Variants in PDE10A observed in about 807,000 individuals in gnomAD.
PDE10A encodes phosphodiesterase 10A, also known as cAMP and cAMP-inhibited cGMP 3',5'-cyclic phosphodiesterase 10A.
PDE10A carries 39 observed loss-of-function variants against 97.7 expected under a neutral mutation model. That is an observed-to-expected ratio of 0.40 (90% CI 0.31 to 0.52). The LOEUF (loss-of-function observed/expected upper bound fraction) is 0.52. Among genes scored for constraint, PDE10A ranks in the 20% least tolerant of loss-of-function variants. The pLI, the probability that PDE10A is intolerant of heterozygous loss-of-function variation, is 0.56. For missense variants in PDE10A, 731 were observed against 1,047.8 expected (o/e 0.70, Z 4.17); for synonymous variants, 371 against 376.8 (o/e 0.98, Z 0.18).
At position 165,671,058 on chromosome 6, in the gene PDE10A, G is replaced by T. The variant is rs116199478; in HGVS notation, c.-614-127490C>A. 4.8e-3 allele frequency among the ~76,000 whole-genome samples: 730 copies of T among 152,156 alleles called. 4 individuals are homozygous for T. The highest frequency in any genetic ancestry group is 0.017 in the African/African-American group (706 of 41,492). ...TCTGACCCATCTTTCCGATCAGATT[G>T]TACTGGTAAAGAGTCTGATTTCCTA... On this transcript the variant is annotated intron_variant, in intron 1 of 19. Transcript: ENST00000366882. The surrounding 1 kb of genome is among the most constrained non-coding windows in gnomAD (Gnocchi z 4.6).
At chr6:165,792,194 G>C (rs1424693892) in intron 1 of PDE10A, among the ~76,000 whole-genome samples, 1 of 152,190 alleles carries the variant, frequency 6.6e-6, no homozygotes, top group East Asian at 1.9e-4. Context: ...ATCCACCAAA[G>C]GCAAATGTGA....
chr6:165,559,743 T>C (rs576623907), intron 1 of PDE10A, among the ~76,000 whole-genome samples: 1 of 152,280 alleles, frequency 6.6e-6, no homozygotes, highest in South Asian at 2.1e-4. Context: ...GGGAGGGACC[T>C]GGTGGGAGAT....
At position 165,474,293 on chromosome 6, in the gene PDE10A, T is replaced by C. The variant is rs117894887; in HGVS notation, c.1023+8022A>G. Among the ~76,000 whole-genome samples, 526 of 152,228 alleles carry C rather than the reference T, an allele frequency of 3.5e-3. 1 individual carries two copies. The highest frequency in any genetic ancestry group is 5.8e-3 in the Non-Finnish European group (397 of 68,016). The stretch of plus-strand genomic sequence containing the variant: ...CATGGCCCAACACTATAAAATATTT[T>C]AAGCAAAACAAACAAAAAAACCAAA... On this transcript the variant is annotated intron_variant, in intron 3 of 21. Transcript: ENST00000539869.
intron 3 of PDE10A, among the ~76,000 whole-genome samples, chr6:165,453,796 C>A (rs1777776554): frequency 6.6e-6 from 1 of 152,168 alleles, no homozygotes; most frequent in African/African-American, 2.4e-5. Flanking sequence ...GCAGTGGAGC[C>A]CGCACAGACA....
chr6:165,465,416 A>C (rs565925064), intron 3 of PDE10A, among the ~76,000 whole-genome samples: 1 of 152,358 alleles, frequency 6.6e-6, no homozygotes, highest in East Asian at 1.9e-4. Flanking sequence ...AAAGAGAAAA[A>C]GCAGCCACCT....
At chr6:165,460,058 C>T (rs890582479) in intron 3 of PDE10A, among the ~76,000 whole-genome samples, 1 of 152,202 alleles carries the variant, frequency 6.6e-6, no homozygotes, top group Non-Finnish European at 1.5e-5. Flanking sequence ...CATTCTAAAC[C>T]GGGGCATTTC....
chr6:165,532,603 A>C (rs995908948), intron 2 of PDE10A, among the ~76,000 whole-genome samples: 1 of 152,056 alleles, frequency 6.6e-6, no homozygotes, highest in Non-Finnish European at 1.5e-5. Context: ...CAAGCATCAG[A>C]ATTACCTGGG....
At chr6:165,670,268 T>C (rs748552660) in intron 1 of PDE10A, among the ~76,000 whole-genome samples, 6 of 152,250 alleles carry the variant, frequency 3.9e-5, no homozygotes, top group Non-Finnish European at 7.3e-5. Context: ...CAGCTTGTTT[T>C]ATTGCATGTA....
chr6:165,933,725 T>C (rs73027531), intron 1 of PDE10A, among the ~76,000 whole-genome samples: 2,825 of 152,302 alleles, frequency 0.019, 32 homozygotes, highest in Non-Finnish European at 0.03. Context: ...GTACAGGATT[T>C]TTAGGCTAGC....
chr6:165,663,487 GCTGGGCGAGC>G (rs1158008585), upstream of PDE10A, among the ~76,000 whole-genome samples: 1 of 152,234 alleles, frequency 6.6e-6, no homozygotes, highest in African/African-American at 2.4e-5. Flanking sequence ...GCTGTGCGCT[GCTGGGCGAGC>G]CACGTCGGCC....
chr6:165,631,679 C>T (rs189066844), intron 1 of PDE10A, among the ~76,000 whole-genome samples: 12 of 152,086 alleles, frequency 7.9e-5, no homozygotes, highest in Non-Finnish European at 1.6e-4. Flanking sequence ...CATCATTATA[C>T]GAATAAATCA....
intron 1 of PDE10A, among the ~76,000 whole-genome samples, chr6:165,803,147 A>T (rs577693082): frequency 1.3e-5 from 2 of 152,342 alleles, no homozygotes; most frequent in African/African-American, 4.8e-5. Context: ...CAAGGGGCAT[A>T]ATTTTTATTG....
chr6:165,891,739 GA>G (rs1257036716), intron 1 of PDE10A, among the ~76,000 whole-genome samples: 4 of 151,890 alleles, frequency 2.6e-5, no homozygotes, highest in Non-Finnish European at 5.9e-5. Flanking sequence ...TCGTTGACTG[GA>G]AATAAAATTC....
At chr6:165,489,567 A>G (rs949353563) in intron 2 of PDE10A, among the ~76,000 whole-genome samples, 10 of 152,220 alleles carry the variant, frequency 6.6e-5, no homozygotes, top group African/African-American at 2.4e-4. Context: ...AGATCATACT[A>G]GCTCACCAGC....
At chr6:165,833,673 G>A (rs1779988587) in intron 1 of PDE10A, among the ~76,000 whole-genome samples, 1 of 152,246 alleles carries the variant, frequency 6.6e-6, no homozygotes. Context: ...GCTGAGCACA[G>A]CCAGGGGCAG....
intron 1 of PDE10A, among the ~76,000 whole-genome samples, chr6:165,762,926 G>GA (rs930462711): frequency 2.1e-5 from 3 of 144,414 alleles, no homozygotes; most frequent in Non-Finnish European, 3.1e-5. Flanking sequence ...ATAGGAGGAA[G>GA]AAAAAAAAGA....
At chr6:165,366,711 G>T (rs1194820200) in intron 18 of PDE10A, among the ~76,000 whole-genome samples, 1 of 152,150 alleles carries the variant, frequency 6.6e-6, no homozygotes, top group Non-Finnish European at 1.5e-5. Flanking sequence ...ATCCTAGAAA[G>T]CAGGGAGAAC....
chr6:165,349,106 CTT>C (rs1210571231), intron 18 of PDE10A, among the ~76,000 whole-genome samples: 2 of 152,284 alleles, frequency 1.3e-5, no homozygotes, highest in African/African-American at 4.8e-5. Context: ...GTGGAAGCGA[CTT>C]TGGAACTGAG....
In PDE10A at chr6:165,327,586, CAA is replaced by C. The variant is rs1781115204; in HGVS notation, c.*5437_*5438del. 1 of 152,018 alleles carries C rather than the reference CAA, an allele frequency of 6.6e-6. No homozygotes were observed. The highest frequency in any genetic ancestry group is 2.1e-4 in the South Asian group (1 of 4,828). The allele number at this position is 152,018 out of a possible 1,614,324, so 9.4% of individuals were successfully genotyped here. ...CATAACAGTAAATGTTTTTTAAATA[CAA>C]AGACTGCAAATGAATACATGAAAAA... On this transcript the variant is annotated 3_prime_UTR_variant, in exon 22 of 22. Transcript: ENST00000539869.
Sources: gnomAD v4.1 joint callset for allele counts (sites outside exome capture counted in the v4.1 genomes callset) on GRCh38, gnomAD v4.1.1 for gene constraint, Gnocchi (gnomAD v3.1) non-coding constraint, MANE v1.5 for transcripts, NCBI Gene and HGNC (gene_info 2026-07-23, HGNC 2026-07-21) for gene names.